CMTM1: variants seen among roughly 807,000 people sequenced by gnomAD.
The protein encoded by CMTM1 is CKLF-like MARVEL transmembrane domain-containing protein 1.
A neutral mutation model predicts 17.8 loss-of-function variants in CMTM1; 16 were observed. That is an observed-to-expected ratio of 0.90 (90% CI 0.61 to 1.37). The LOEUF (loss-of-function observed/expected upper bound fraction) is 1.37, where lower values mean the gene tolerates loss of function less well. CMTM1 is among the 40% of genes most tolerant of loss of function. The pLI is 0.00. For synonymous variants in CMTM1, 169 were observed against 154.6 expected, an observed-to-expected ratio of 1.09 and a Z score of -0.69; for missense variants, 354 against 375.6, an observed-to-expected ratio of 0.94 and a Z score of 0.47.
At chr16:66,575,651 C>T (rs2014140384) in intron 2 of CMTM1, among the ~76,000 whole-genome samples, 1 of 152,204 alleles carries the variant, frequency 6.6e-6, no homozygotes, top group Admixed American at 6.5e-5. Context: ...AAGCCTCCAC[C>T]ATGTCCTCTG....
At chr16:66,568,360 A>G (rs1488925081) in intron 1 of CMTM1, among the ~76,000 whole-genome samples, 1 of 152,220 alleles carries the variant, frequency 6.6e-6, no homozygotes, top group Non-Finnish European at 1.5e-5. Context: ...GTCACAGAAC[A>G]TGTGACAAAA....
chr16:66,570,868 CAT>C (rs1419890237), intron 2 of CMTM1, among the ~76,000 whole-genome samples: 7 of 152,302 alleles, frequency 4.6e-5, no homozygotes, highest in Admixed American at 1.3e-4. Flanking sequence ...AAGCCAATAA[CAT>C]AGTATGTGAC....
rs552978153 is a variant in CMTM1 at position 66,571,683 on chromosome 16, G to T, written c.591+1589G>T. 9.2e-5 allele frequency among the ~76,000 whole-genome samples: 14 copies of T among 152,300 alleles called. No homozygotes were observed. In the South Asian group the frequency reaches 2.7e-3, roughly 29 times the overall value. ...GCACCAAAGGTGAATTGGTTATCCT[G>T]GTGGGTGTACACAGGCCCTTGGGGG... On this transcript the variant is annotated intron_variant, in intron 2 of 3. Coordinates refer to ENST00000379500, the MANE Select transcript of CMTM1 (RefSeq NM_052999.4).
At chr16:66,570,286 C>T (rs889773165) in intron 2 of CMTM1, among the ~76,000 whole-genome samples, 192 bp downstream of exon 2, 1 of 152,178 alleles carries the variant, frequency 6.6e-6, no homozygotes, top group African/African-American at 2.4e-5. Context: ...CAACACACCG[C>T]TGCTCCAGCC....
Position 66,566,772 on chromosome 16 carries a change from C to G in CMTM1, c.259C>G (p.Pro87Ala). The G allele has an allele frequency of 1.2e-6, 2 of 1,613,402 alleles. No homozygotes were observed. Residue 87 changes from proline to alanine, a missense_variant, in exon 1 of 4, where the codon CCA (proline) becomes GCA (alanine). Pro to Ala is a conservative substitution (Grantham distance 27, BLOSUM62 -1). Coordinates refer to ENST00000379500, the MANE Select transcript of CMTM1 (RefSeq NM_052999.4). This position sits in a 1 kb window ranked among gnomAD's most constrained non-coding sequence, Gnocchi z 4.9. ...PSRKATTRPP[P>A]KPTLPPPTPS... Reference sequence around the variant, plus strand: ...AAGGAAAGCCACCACACGCCCACCCCCAAAGCCCACACTCCCACCCCCCAC... The same window carrying G: ...AAGGAAAGCCACCACACGCCCACCCGCAAAGCCCACACTCCCACCCCCCAC...
chr16:66,576,458 G>A (rs945101862), intron 2 of CMTM1, among the ~76,000 whole-genome samples: 4 of 151,606 alleles, frequency 2.6e-5, no homozygotes, highest in Non-Finnish European at 5.9e-5. Flanking sequence ...GGAGCACAAT[G>A]AGCCTGCAGA....
At chr16:66,577,051 T>C in intron 2 of CMTM1, 53 bp from the exon 3 acceptor site, 2 of 1,520,548 alleles carry the variant, frequency 1.3e-6, no homozygotes, top group Non-Finnish European at 1.8e-6. Flanking sequence ...GTTTAAATAT[T>C]TGTGAAATTA....
rs763169929 is a variant in CMTM1 at position 66,566,795 on chromosome 16, C to G, written c.282C>G (p.Pro94=). The G allele has an allele frequency of 1.2e-6, 2 of 1,613,500 alleles. No homozygotes were observed. The highest frequency in any genetic ancestry group is 2.2e-5 in the East Asian group (1 of 44,850). The change falls in exon 1 of 4, where the codon CCC becomes CCG. Residue 94 remains proline (P), a synonymous_variant. Coordinates refer to ENST00000379500, the MANE Select transcript of CMTM1 (RefSeq NM_052999.4). The surrounding 1 kb of genome is among the most constrained non-coding windows in gnomAD (Gnocchi z 4.9). ...RPPPKPTLPP[P]TPSAHTESKL... ...CCCCAAAGCCCACACTCCCACCCCC[C>G]ACGCCCTCTGCACACACTGAATCCA...
intron 2 of CMTM1, among the ~76,000 whole-genome samples, chr16:66,571,932 G>A (rs1335043050): frequency 6.6e-6 from 1 of 152,240 alleles, no homozygotes; most frequent in African/African-American, 2.4e-5. Context: ...GAGAGAACCT[G>A]TTCTCACAGT....
Position 66,578,900 on chromosome 16 carries a change from A to G in CMTM1, c.760A>G (p.Asn254Asp), listed in dbSNP as rs1334034601. The G allele has an allele frequency of 1.2e-6, 2 of 1,614,228 alleles. No individual in the cohort carries two copies. The highest frequency in any genetic ancestry group is 1.1e-5 in the South Asian group (1 of 91,084). The change falls in exon 4 of 4, where the codon AAC (asparagine) becomes GAC (aspartate). Residue 254 changes from asparagine to aspartate, a missense_variant. Physicochemically the swap from Asn to Asp is conservative, Grantham distance 23. Coordinates refer to ENST00000379500, the MANE Select transcript of CMTM1 (RefSeq NM_052999.4). ...AFVVTTKMRT[N>D]LKRFLGVEVE... is the part of the protein sequence containing the mutation. ...TGTGGTCACCACGAAGATGAGGACC[A>G]ACTTGAAAAGATTCCTGGGAGTCGA...
intron 1 of CMTM1, chr16:66,567,288 CTAA>C: frequency 2.7e-6 from 1 of 376,916 alleles, no homozygotes; most frequent in Non-Finnish European, 5.0e-6. Flanking sequence ...GGTATTTCTC[CTAA>C]TGCTATCCCT....
chr16:66,567,027 C>T (rs1171168074), intron 1 of CMTM1, 82 bp downstream of exon 1: 10 of 1,422,786 alleles, frequency 7.0e-6, no homozygotes, highest in Non-Finnish European at 9.8e-6. Context: ...GTGCCAGCTC[C>T]AGAAACCTTC....
At position 66,577,059 on chromosome 16, in the gene CMTM1, T is replaced by A. The variant is rs373114765; in HGVS notation, c.592-45T>A. On this transcript the variant is annotated intron_variant, in intron 2 of 3. Coordinates refer to ENST00000379500, the MANE Select transcript of CMTM1 (RefSeq NM_052999.4). The stretch of plus-strand genomic sequence containing the variant: ...TTGACCAGTTTAAATATTTGTGAAA[T>A]TATATTGTTGTGTAAACTTGATAAT... The A allele has an allele frequency of 2.7e-4, 416 of 1,546,344 alleles. 1 individual carries two copies. Among genetic ancestry groups the A allele is most frequent in the Admixed American group, 6.4e-4 (36 of 56,026 alleles).
chr16:66,575,560 T>C lies in CMTM1; in HGVS notation c.592-1544T>C, dbSNP rs529905771. ...GGAGAATAGCTCATTTCCTCCTTATTTGGGTGTCCCTCATGGGAGGCAATA... is the reference window on the plus strand; with the variant it reads ...GGAGAATAGCTCATTTCCTCCTTATCTGGGTGTCCCTCATGGGAGGCAATA... On this transcript the variant is annotated intron_variant, in intron 2 of 3. Transcript: ENST00000379500. Among the ~76,000 whole-genome samples the C allele has an allele frequency of 8.7e-4, 132 of 152,340 alleles. 1 individual carries two copies. The highest frequency in any genetic ancestry group is 3.0e-3 in the African/African-American group (123 of 41,578).
chr16:66,575,184 G>A, intron 2 of CMTM1: 1 of 985,416 alleles, frequency 1.0e-6, no homozygotes, highest in Non-Finnish European at 1.2e-6. Flanking sequence ...CCAATAGGAA[G>A]AACATCTGGA....
At chr16:66,573,590 T>C (rs1174582653) in intron 2 of CMTM1, among the ~76,000 whole-genome samples, 1 of 152,202 alleles carries the variant, frequency 6.6e-6, no homozygotes. Context: ...CCAATGAAAG[T>C]TGCAGTTAAT....
At chr16:66,572,329 C>T (rs2013668364) in intron 2 of CMTM1, among the ~76,000 whole-genome samples, 1 of 152,190 alleles carries the variant, frequency 6.6e-6, no homozygotes, top group African/African-American at 2.4e-5. Flanking sequence ...CAAAACAGGA[C>T]CCAAATTGTG....
chr16:66,567,006 A>G, intron 1 of CMTM1, 61 bp downstream of exon 1: 1 of 1,564,540 alleles, frequency 6.4e-7, no homozygotes, highest in Non-Finnish European at 8.8e-7. Flanking sequence ...CCTCGGGGAA[A>G]TGCCCACGGG....
rs750911977 is a variant in CMTM1, at chr16:66,578,851, A to T, written c.711A>T (p.Val237=). ...GACAGTCCCTGTGTCTCACAGCGGT[A>T]ATCGTGTGTTGCATCGATGCGTTTG... ...YVGGSLCLTA[V]IVCCIDAFVV... Residue 237 remains valine (V), a synonymous_variant, in exon 4 of 4, where the codon GTA becomes GTT. Coordinates refer to ENST00000379500, the MANE Select transcript of CMTM1 (RefSeq NM_052999.4). 6.2e-7 allele frequency: 1 copy of T among 1,613,990 alleles called. No homozygotes were observed. The highest frequency in any genetic ancestry group is 8.5e-7 in the Non-Finnish European group (1 of 1,180,022).
Sources: allele counts gnomAD v4.1 joint callset (sites outside exome capture counted in the v4.1 genomes callset), GRCh38; gene constraint gnomAD v4.1.1; non-coding constraint Gnocchi (gnomAD v3.1); transcripts MANE v1.5; gene names NCBI Gene and HGNC (gene_info 2026-07-23, HGNC 2026-07-21).